Variants in NPAS3 observed in about 807,000 individuals in gnomAD.
NPAS3 encodes neuronal PAS domain protein 3, also known as neuronal PAS domain-containing protein 3.
A neutral mutation model predicts 73.1 loss-of-function variants in NPAS3; 14 were observed. The observed-to-expected ratio is 0.19, with a 90% CI of 0.13 to 0.30. NPAS3 has a LOEUF of 0.30. Ranked by LOEUF, NPAS3 falls within the 10% of genes least tolerant of loss-of-function variation. NPAS3 has a pLI of 1.00. For synonymous variants in NPAS3, 620 were observed against 541.5 expected, an observed-to-expected ratio of 1.14 and a Z score of -2.01; for missense variants, 1,096 against 1,250.0, an observed-to-expected ratio of 0.88 and a Z score of 1.86.
intron 5 of NPAS3, among the ~76,000 whole-genome samples, chr14:33,569,678 G>C (rs1320348262): frequency 6.6e-6 from 1 of 152,118 alleles, no homozygotes; most frequent in African/African-American, 2.4e-5. Context: ...CATGCAGATA[G>C]AGGATGGTTT....
At chr14:33,458,729 T>C (rs2050126808) in intron 4 of NPAS3, among the ~76,000 whole-genome samples, 1 of 152,220 alleles carries the variant, frequency 6.6e-6, no homozygotes, top group African/African-American at 2.4e-5. Flanking sequence ...CTACTAGTCA[T>C]TGTGGCCAAT....
intron 2 of NPAS3, among the ~76,000 whole-genome samples, chr14:33,202,408 A>C (rs1952074): frequency 0.25 from 37,732 of 152,056 alleles, 5,592 homozygotes; most frequent in Non-Finnish European, 0.35. Context: ...GTCTTAAAAA[A>C]AAAAAGAGAG....
chr14:33,736,648 G>A (rs2061531358), intron 7 of NPAS3, among the ~76,000 whole-genome samples: 1 of 152,112 alleles, frequency 6.6e-6, no homozygotes, highest in Non-Finnish European at 1.5e-5. Flanking sequence ...TGAGATTCTT[G>A]TTATTTTAAT....
At chr14:33,432,513 G>T (rs1594896204) in intron 4 of NPAS3, among the ~76,000 whole-genome samples, 1 of 152,064 alleles carries the variant, frequency 6.6e-6, no homozygotes, top group African/African-American at 2.4e-5. Flanking sequence ...ATAAATCTTT[G>T]CTAAACCTCA....
At chr14:33,008,959 A>T (rs4982031) in intron 1 of NPAS3, among the ~76,000 whole-genome samples, 13,371 of 152,192 alleles carry the variant, frequency 0.088, 913 homozygotes, top group African/African-American at 0.19. Context: ...TCTCAAGTGA[A>T]ATCTGTGAGG....
chr14:33,145,741 A>G (rs2182204), intron 2 of NPAS3, among the ~76,000 whole-genome samples: 53,796 of 151,832 alleles, frequency 0.35, 9,630 homozygotes, highest in Admixed American at 0.39. Flanking sequence ...TTTCCTTACC[A>G]TGCCTGGCTC....
At chr14:33,349,846 C>T (rs185876547) in intron 3 of NPAS3, among the ~76,000 whole-genome samples, 223 of 152,264 alleles carry the variant, frequency 1.5e-3, no homozygotes, top group Middle Eastern at 0.014. Context: ...GGAGGGAGTA[C>T]CTTTATATCC....
intron 1 of NPAS3, among the ~76,000 whole-genome samples, chr14:33,034,560 T>C (rs748013894): frequency 3.5e-4 from 53 of 151,856 alleles, no homozygotes; most frequent in Non-Finnish European, 8.8e-5. Context: ...GCTTTAGGTA[T>C]TTAAAATGAA....
chr14:33,557,906 T>C (rs902164776), intron 4 of NPAS3, among the ~76,000 whole-genome samples: 2 of 152,180 alleles, frequency 1.3e-5, no homozygotes, highest in Non-Finnish European at 2.9e-5. Flanking sequence ...GAGGCGGAGC[T>C]TGCAGTGAGC....
chr14:33,527,912 C>T (rs752890992), intron 4 of NPAS3, among the ~76,000 whole-genome samples: 13 of 152,080 alleles, frequency 8.5e-5, no homozygotes, highest in African/African-American at 2.4e-5. Context: ...AGAAGGAACA[C>T]ATTCCTTCCA....
rs749239620 is a variant in NPAS3 at position 33,683,618 on chromosome 14, G to GACTT, written c.733+7239_733+7242dup. Among the ~76,000 whole-genome samples, 69 of 152,280 alleles carry GACTT rather than the reference G, an allele frequency of 4.5e-4. No individual in the cohort carries two copies. In the Middle Eastern group the frequency reaches 0.014, roughly 30 times the overall value. ...AATTCTTCATCTGCACTAAACAGCAGACTTACTTATGAAGGATCAGTTACC... is the reference window on the plus strand; with the variant it reads ...AATTCTTCATCTGCACTAAACAGCAGACTTACTTACTTATGAAGGATCAGTTACC... On this transcript the variant is annotated intron_variant, in intron 6 of 11. Coordinates refer to ENST00000356141, the Ensembl canonical transcript of NPAS3.
chr14:33,199,472 TAA>T (rs2046527797), intron 2 of NPAS3, among the ~76,000 whole-genome samples: 1 of 152,174 alleles, frequency 6.6e-6, no homozygotes, highest in Non-Finnish European at 1.5e-5. Context: ...TGTATGATTA[TAA>T]AGAGAGGCTA....
intron 4 of NPAS3, among the ~76,000 whole-genome samples, chr14:33,519,546 G>A (rs538084149): frequency 7.2e-5 from 11 of 152,228 alleles, no homozygotes; most frequent in South Asian, 4.1e-4. Context: ...GGTTTGCTGC[G>A]TATTATTTGT....
intron 1 of NPAS3, among the ~76,000 whole-genome samples, chr14:32,965,810 C>G (rs1414349024): frequency 6.6e-6 from 1 of 152,096 alleles, no homozygotes; most frequent in African/African-American, 2.4e-5. Context: ...ATAGAAAACT[C>G]TACAGACGCC....
intron 2 of NPAS3, among the ~76,000 whole-genome samples, chr14:33,123,730 G>A (rs1332007620): frequency 2.0e-5 from 3 of 152,078 alleles, no homozygotes; most frequent in Non-Finnish European, 4.4e-5. Context: ...CAAACTAAAG[G>A]AGAGAGATTA....
intron 4 of NPAS3, among the ~76,000 whole-genome samples, chr14:33,497,999 GAAA>G (rs1473346106): frequency 6.6e-6 from 1 of 151,750 alleles, no homozygotes; most frequent in African/African-American, 2.4e-5. Flanking sequence ...AAATTTACAA[GAAA>G]AAAACAACCC....
At chr14:33,704,312 A>T (rs1255791304) in intron 6 of NPAS3, among the ~76,000 whole-genome samples, 1 of 152,208 alleles carries the variant, frequency 6.6e-6, no homozygotes, top group Non-Finnish European at 1.5e-5. Context: ...AAGTTCTTGT[A>T]ACAACAGAAT....
chr14:33,174,790 A>T (rs549987164), intron 2 of NPAS3, among the ~76,000 whole-genome samples: 1 of 152,222 alleles, frequency 6.6e-6, no homozygotes. Context: ...GTGGAGATGA[A>T]GAGGGCCTTA....
At chr14:33,152,745 C>T (rs1387962938) in intron 2 of NPAS3, among the ~76,000 whole-genome samples, 1 of 151,322 alleles carries the variant, frequency 6.6e-6, no homozygotes, top group Non-Finnish European at 1.5e-5. Flanking sequence ...ATGTAAGCTT[C>T]TTCCTGGGTG....
Sources: gnomAD v4.1 joint callset for allele counts (sites outside exome capture counted in the v4.1 genomes callset) on GRCh38, gnomAD v4.1.1 for gene constraint, MANE v1.5 for transcripts, NCBI Gene and HGNC (gene_info 2026-07-23, HGNC 2026-07-21) for gene names.